Variants in MALRD1 observed in about 807,000 individuals in gnomAD.
MALRD1 encodes the protein MAM and LDL receptor class A domain containing 1, also known as MAM and LDL-receptor class A domain-containing protein 1.
Under a neutral mutation model 242.1 loss-of-function variants are expected in MALRD1, and 247 were observed. That is an observed-to-expected ratio of 1.02 (90% CI 0.92 to 1.13). MALRD1 has a LOEUF of 1.13. Ranked by LOEUF, MALRD1 falls within the 50% of genes most tolerant of loss-of-function variation. MALRD1 has a pLI of 0.00. For missense variants in MALRD1, 2,989 were observed against 2,533.1 expected (o/e 1.18, Z -3.86); for synonymous variants, 995 against 866.6 (o/e 1.15, Z -2.60).
chr10:19,682,623 A>T (rs1842419287), intron 36 of MALRD1, among the ~76,000 whole-genome samples: 1 of 152,192 alleles, frequency 6.6e-6, no homozygotes, highest in East Asian at 1.9e-4. Flanking sequence ...AAGCAAATTA[A>T]TCGCTGCTAC....
At chr10:19,169,736 C>T (rs1379513865) in intron 13 of MALRD1, among the ~76,000 whole-genome samples, 1 of 152,112 alleles carries the variant, frequency 6.6e-6, no homozygotes, top group Non-Finnish European at 1.5e-5. Flanking sequence ...AGATATTCTA[C>T]CTACAAATAG....
chr10:19,389,416 A>T (rs1334027246), intron 27 of MALRD1, 36 bp from the exon 28 acceptor site: 5 of 1,542,000 alleles, frequency 3.2e-6, no homozygotes, highest in Non-Finnish European at 4.4e-6. Context: ...CATCATTGTT[A>T]TTTCGTTCTT....
chr10:19,652,340 G>A (rs368947395), intron 36 of MALRD1, among the ~76,000 whole-genome samples: 1 of 152,280 alleles, frequency 6.6e-6, no homozygotes, highest in African/African-American at 2.4e-5. Flanking sequence ...AGAAGAAAGA[G>A]CCAAATGTGC....
At chr10:19,678,316 C>A (rs1842221129) in intron 36 of MALRD1, among the ~76,000 whole-genome samples, 1 of 152,072 alleles carries the variant, frequency 6.6e-6, no homozygotes, top group Admixed American at 6.6e-5. Context: ...GAATGTCTTA[C>A]CATTTGTTTG....
intron 1 of MALRD1, among the ~76,000 whole-genome samples, chr10:19,059,325 A>G (rs1834754678): frequency 6.6e-6 from 1 of 152,026 alleles, no homozygotes; most frequent in African/African-American, 2.4e-5. Context: ...CTTCTATATC[A>G]CTTTTCTTTT....
chr10:19,384,606 T>C, intron 26 of MALRD1, among the ~76,000 whole-genome samples: 1 of 129,328 alleles, frequency 7.7e-6, no homozygotes, highest in East Asian at 2.1e-4. Flanking sequence ...TAATATATAG[T>C]ATATATAATA....
chr10:19,135,858 T>G (rs897140932), intron 9 of MALRD1, among the ~76,000 whole-genome samples: 5 of 152,202 alleles, frequency 3.3e-5, no homozygotes, highest in African/African-American at 1.2e-4. Flanking sequence ...TGCTAATACT[T>G]TGACATTATC....
intron 14 of MALRD1, among the ~76,000 whole-genome samples, chr10:19,189,320 A>T (rs1835876516): frequency 6.6e-6 from 1 of 152,162 alleles, no homozygotes; most frequent in Admixed American, 6.5e-5. Flanking sequence ...ATAATAAAAG[A>T]TCTGCTAACA....
At chr10:19,580,925 A>G (rs906007669) in intron 33 of MALRD1, among the ~76,000 whole-genome samples, 1 of 152,110 alleles carries the variant, frequency 6.6e-6, no homozygotes, top group African/African-American at 2.4e-5. Context: ...CTGAGTCTTT[A>G]GTCAAATAGA....
At chr10:19,645,147 A>G (rs1343593781) in intron 36 of MALRD1, among the ~76,000 whole-genome samples, 1 of 152,188 alleles carries the variant, frequency 6.6e-6, no homozygotes, top group Non-Finnish European at 1.5e-5. Context: ...TGGATAGGAC[A>G]TCAGAGAAAT....
chr10:19,403,520 GT>G (rs1235641401), intron 28 of MALRD1, among the ~76,000 whole-genome samples: 2 of 152,082 alleles, frequency 1.3e-5, no homozygotes, highest in Non-Finnish European at 2.9e-5. Flanking sequence ...AGCAGACTTA[GT>G]TTTTCAGACT....
intron 21 of MALRD1, among the ~76,000 whole-genome samples, chr10:19,298,957 A>G (rs1026082769): frequency 6.6e-6 from 1 of 151,950 alleles, no homozygotes; most frequent in Non-Finnish European, 1.5e-5. Context: ...CTAGAATTCT[A>G]TACCTGGTAA....
At chr10:19,144,439 G>C (rs1031457550) in intron 10 of MALRD1, among the ~76,000 whole-genome samples, 3 of 152,208 alleles carry the variant, frequency 2.0e-5, no homozygotes, top group Admixed American at 2.0e-4. Context: ...ATCGGAAGTG[G>C]CATTGTCATT....
intron 18 of MALRD1, among the ~76,000 whole-genome samples, chr10:19,232,137 T>TA (rs892946012): frequency 4.0e-5 from 6 of 151,618 alleles, no homozygotes; most frequent in South Asian, 2.1e-4. Context: ...AAATAAAAAT[T>TA]AAAAAAAATG....
At chr10:19,281,395 C>T (rs937769847) in intron 20 of MALRD1, among the ~76,000 whole-genome samples, 1 of 152,030 alleles carries the variant, frequency 6.6e-6, no homozygotes, top group East Asian at 1.9e-4. Context: ...TAGGGAATAC[C>T]GAATTTCCTC....
intron 24 of MALRD1, among the ~76,000 whole-genome samples, chr10:19,335,182 GT>G (rs1222880331): frequency 6.5e-5 from 6 of 92,088 alleles, no homozygotes; most frequent in Non-Finnish European, 1.4e-4. Context: ...CTCTTGTTCT[GT>G]TTTTTTTTGT....
intron 2 of MALRD1, among the ~76,000 whole-genome samples, chr10:19,078,572 T>C (rs1835389447): frequency 6.6e-6 from 1 of 151,898 alleles, no homozygotes; most frequent in Non-Finnish European, 1.5e-5. Context: ...TCCTCTTTTG[T>C]TTTTTATAAG....
chr10:19,120,049 T>C (rs1013988279), intron 5 of MALRD1, among the ~76,000 whole-genome samples: 2 of 151,892 alleles, frequency 1.3e-5, no homozygotes, highest in Admixed American at 1.3e-4. Context: ...CACAAAAATT[T>C]TGGGCCTGAG....
rs772287588 is a variant in MALRD1, at chr10:19,283,126, G to A, written c.3364G>A (p.Gly1122Arg). 1.2e-5 allele frequency: 18 copies of A among 1,549,650 alleles called. No individual in the cohort carries two copies. The highest frequency in any genetic ancestry group is 9.8e-5 in the East Asian group (4 of 40,856). Residue 1122 changes from glycine (G) to arginine (R), a missense_variant, in exon 21 of 40, where the codon GGG (glycine) becomes AGG (arginine). Physicochemically the swap from Gly to Arg is moderately radical, Grantham distance 125. Transcript: ENST00000454679. ...SNTFRWGLGN[G>R]ISIHHGEENH... ...CACATTCAGGTGGGGGCTTGGGAAC[G>A]GGATCAGCATTCATCATGGGGAAGA...
Sources: gnomAD v4.1 joint callset for allele counts (sites outside exome capture counted in the v4.1 genomes callset) on GRCh38, gnomAD v4.1.1 for gene constraint, MANE v1.5 for transcripts, NCBI Gene and HGNC (gene_info 2026-07-23, HGNC 2026-07-21) for gene names.